The following TTC27 variants were observed in gnomAD, a reference collection of about 807,000 sequenced individuals.
TTC27 encodes tetratricopeptide repeat domain 27, also known as tetratricopeptide repeat protein 27.
A neutral mutation model predicts 115.9 loss-of-function variants in TTC27; 79 were observed. That is an observed-to-expected ratio of 0.68 (90% CI 0.57 to 0.82). The LOEUF is 0.82. Ranked by LOEUF, TTC27 falls within the 40% of genes least tolerant of loss-of-function variation. The pLI is 0.00. For synonymous variants in TTC27, 401 were observed against 356.0 expected, an observed-to-expected ratio of 1.13 and a Z score of -1.42; for missense variants, 1,054 against 993.1, an observed-to-expected ratio of 1.06 and a Z score of -0.82.
intron 19 of TTC27, among the ~76,000 whole-genome samples, chr2:32,820,305 C>T (rs1158202785): frequency 3.9e-5 from 6 of 152,162 alleles, no homozygotes; most frequent in Admixed American, 3.9e-4. Context: ...CAATAAACCT[C>T]CCAAGGCAAT....
intron 9 of TTC27, among the ~76,000 whole-genome samples, chr2:32,698,864 G>A (rs1667089442): frequency 6.6e-6 from 1 of 152,296 alleles, no homozygotes; most frequent in East Asian, 1.9e-4. Context: ...ATAAACCCCA[G>A]ATTGCCTAGG....
At chr2:32,703,901 G>T (rs1667275152) in intron 10 of TTC27, among the ~76,000 whole-genome samples, 1 of 152,196 alleles carries the variant, frequency 6.6e-6, no homozygotes, top group Non-Finnish European at 1.5e-5. Context: ...GTAAAGGCTG[G>T]AAAGTCTAAG....
At position 32,812,598 on chromosome 2, in the gene TTC27, C is replaced by G. The variant is rs199829747; in HGVS notation, c.2291C>G (p.Ala764Gly). 45 of 1,613,170 alleles carry G rather than the reference C, an allele frequency of 2.8e-5. No homozygotes were observed. Among genetic ancestry groups the G allele is most frequent in the East Asian group, 1.8e-4 (8 of 44,874 alleles). Residue 764 changes from alanine to glycine, a missense_variant, in exon 18 of 20, where the codon GCC becomes GGC. By Grantham distance (60) the Ala-to-Gly change is moderately conservative. Transcript: ENST00000317907. ...ITSFKEVVQRALGLAHVAIKC... is the reference protein window; with the variant it reads ...ITSFKEVVQRGLGLAHVAIKC... ...TCATTTAAGGAAGTTGTTCAAAGAG[C>G]CTTAGGACTTGCACATGGTATTTGA...
intron 1 of TTC27, among the ~76,000 whole-genome samples, chr2:32,630,305 G>A (rs1002327193): frequency 2.0e-5 from 3 of 152,128 alleles, no homozygotes; most frequent in African/African-American, 7.2e-5. Context: ...CCACTTTGGG[G>A]CTCATAGTCA....
intron 17 of TTC27, among the ~76,000 whole-genome samples, chr2:32,812,177 C>A (rs927089): frequency 2.0e-5 from 3 of 152,012 alleles, no homozygotes; most frequent in South Asian, 2.1e-4. Context: ...AAGTTCATGC[C>A]TCATTCTCTA....
chr2:32,750,662 G>T (rs1668979180), intron 12 of TTC27, among the ~76,000 whole-genome samples: 1 of 152,114 alleles, frequency 6.6e-6, no homozygotes, highest in Non-Finnish European at 1.5e-5. Flanking sequence ...TTCTGACATG[G>T]GGAAACTTTA....
chr2:32,703,052 A>G lies in TTC27; in HGVS notation c.1233+132A>G, dbSNP rs7586406. 0.13 allele frequency: 87,133 copies of G among 668,448 alleles called. 6,212 individuals are homozygous for G. Among genetic ancestry groups the G allele is most frequent in the Middle Eastern group, 0.21 (821 of 3,902 alleles). 41.4% of individuals were successfully genotyped at this position (668,448 alleles called of 1,614,324 possible). On this transcript the variant is annotated intron_variant, in intron 10 of 19. Coordinates refer to ENST00000317907, the MANE Select transcript of TTC27 (RefSeq NM_017735.5). ...CAAATAATTTGTTACTGTTTAGAGA[A>G]TAAGTTCTATAATTTAACTTCTTGG...
rs1276885095 is a variant in TTC27 at position 32,811,587 on chromosome 2, G to A, written c.2196+366G>A. On this transcript the variant is annotated intron_variant, in intron 17 of 19. Transcript: ENST00000317907. ...CAGTAGATGGGTACAAGGAGAGAAG[G>A]AGTATTTAGATCTGAGATGGGGATT... Among the ~76,000 whole-genome samples, 3 of 152,114 alleles carry A rather than the reference G, an allele frequency of 2.0e-5. No homozygotes were observed. The East Asian group carries it at 5.8e-4, about 29-fold the overall frequency.
intron 6 of TTC27, among the ~76,000 whole-genome samples, 157 bp downstream of exon 6, chr2:32,664,624 C>CT (rs1665697183): frequency 6.6e-6 from 1 of 152,086 alleles, no homozygotes. Flanking sequence ...TAGTTTATAA[C>CT]AAATTTGAAA....
At chr2:32,651,592 G>T (rs1254348458) in intron 5 of TTC27, among the ~76,000 whole-genome samples, 1 of 152,144 alleles carries the variant, frequency 6.6e-6, no homozygotes, top group African/African-American at 2.4e-5. Context: ...GTATCAGCCC[G>T]CCTTGGCCTC....
chr2:32,816,475 G>A (rs569370734), intron 18 of TTC27, among the ~76,000 whole-genome samples: 9 of 152,294 alleles, frequency 5.9e-5, no homozygotes, highest in African/African-American at 1.7e-4. Context: ...CCAAGAACAA[G>A]CCAGTGGGGA....
At chr2:32,791,841 C>G (rs1294423447) in intron 16 of TTC27, among the ~76,000 whole-genome samples, 1 of 152,072 alleles carries the variant, frequency 6.6e-6, no homozygotes, top group Admixed American at 6.5e-5. Context: ...TGCCACCACA[C>G]TCCAGCCTGG....
rs367990777 is a variant in TTC27, at chr2:32,728,293, G to A, written c.1234-5535G>A. Among the ~76,000 whole-genome samples the A allele has an allele frequency of 7.9e-5, 12 of 151,978 alleles. No homozygotes were observed. The South Asian group carries it at 1.5e-3, about 18-fold the overall frequency. On this transcript the variant is annotated intron_variant, in intron 10 of 19. Coordinates refer to ENST00000317907, the MANE Select transcript of TTC27 (RefSeq NM_017735.5). ...CCTGATCTTGTGATCCGCCGGCCTCGGCCTCCCAAAGTGCTGGGATTACAG... is the reference window on the plus strand; with the variant it reads ...CCTGATCTTGTGATCCGCCGGCCTCAGCCTCCCAAAGTGCTGGGATTACAG...
chr2:32,629,824 T>A (rs1273636008), intron 1 of TTC27, among the ~76,000 whole-genome samples: 1 of 152,052 alleles, frequency 6.6e-6, no homozygotes, highest in African/African-American at 2.4e-5. Context: ...GCACATCTGG[T>A]TGTGGGATTT....
At chr2:32,760,101 C>T (rs775582422) in intron 13 of TTC27, among the ~76,000 whole-genome samples, 5 of 152,008 alleles carry the variant, frequency 3.3e-5, no homozygotes, top group Admixed American at 6.6e-5. Flanking sequence ...TGAGGGAATG[C>T]GTTTTACATT....
At position 32,723,925 on chromosome 2, in the gene TTC27, A is replaced by G. The variant is rs572448073; in HGVS notation, c.1234-9903A>G. Among the ~76,000 whole-genome samples, 394 of 147,754 alleles carry G rather than the reference A, an allele frequency of 2.7e-3. 2 individuals carry two copies. The South Asian group carries it at 0.034, about 13-fold the overall frequency. On this transcript the variant is annotated intron_variant, in intron 10 of 19. Coordinates refer to ENST00000317907, the MANE Select transcript of TTC27 (RefSeq NM_017735.5). ...AGTGATCCTTCTGCCTTGGCCTCCC[A>G]AAGTGTTACGATTAAAGGCATGAGC...
chr2:32,795,117 A>G (rs944609391), intron 16 of TTC27, among the ~76,000 whole-genome samples: 7 of 138,376 alleles, frequency 5.1e-5, no homozygotes, highest in African/African-American at 1.1e-4. Context: ...CCAAAGCCAG[A>G]CAAAGACATT....
chr2:32,700,078 C>G (rs1320374984), intron 9 of TTC27, among the ~76,000 whole-genome samples: 1 of 152,162 alleles, frequency 6.6e-6, no homozygotes, highest in Non-Finnish European at 1.5e-5. Flanking sequence ...AGGTGAGCAC[C>G]GTTGCCCATG....
intron 10 of TTC27, among the ~76,000 whole-genome samples, chr2:32,716,209 A>AT (rs11405684): frequency 0.066 from 10,095 of 152,256 alleles, 378 homozygotes; most frequent in East Asian, 0.12. Flanking sequence ...TCAGCTCTGC[A>AT]TGCCAGTACT....
Sources: allele counts gnomAD v4.1 joint callset (sites outside exome capture counted in the v4.1 genomes callset), GRCh38; gene constraint gnomAD v4.1.1; transcripts MANE v1.5; gene names NCBI Gene and HGNC (gene_info 2026-07-23, HGNC 2026-07-21).